PLCL2: variants seen among roughly 807,000 people sequenced by gnomAD.
The protein encoded by PLCL2 is inactive phospholipase C-like protein 2.
In PLCL2, 4 loss-of-function variants were observed where a neutral mutation model predicts 79.6. The ratio of observed to expected loss-of-function variants is 0.05; its 90% confidence interval spans 0.02 to 0.11. The LOEUF (loss-of-function observed/expected upper bound fraction) is 0.11. PLCL2 is among the 10% of genes least tolerant of loss of function. PLCL2 has a pLI of 1.00. For synonymous variants in PLCL2, 484 were observed against 457.7 expected (o/e 1.06, Z -0.73); for missense variants, 895 against 1,291.0 (o/e 0.69, Z 4.70).
chr3:16,964,200 G>A (rs1312579302), intron 1 of PLCL2, among the ~76,000 whole-genome samples: 1 of 125,230 alleles, frequency 8.0e-6, no homozygotes, highest in Non-Finnish European at 1.6e-5. Flanking sequence ...AGGCCCCAGT[G>A]TCATGTTCCC....
At chr3:17,074,914 A>G (rs994300280) in intron 5 of PLCL2, among the ~76,000 whole-genome samples, 1 of 152,220 alleles carries the variant, frequency 6.6e-6, no homozygotes, top group Non-Finnish European at 1.5e-5. Context: ...TTGATCTCCT[A>G]TTGAGACCAC....
chr3:17,080,253 A>G (rs1226103197), intron 5 of PLCL2, among the ~76,000 whole-genome samples: 1 of 152,158 alleles, frequency 6.6e-6, no homozygotes, highest in African/African-American at 2.4e-5. Context: ...ACTGATGATT[A>G]GGGAGTCTTT....
intron 4 of PLCL2, among the ~76,000 whole-genome samples, chr3:17,057,626 T>G (rs1404024300): frequency 6.6e-6 from 1 of 152,208 alleles, no homozygotes; most frequent in Non-Finnish European, 1.5e-5. Context: ...TAGAATTGGC[T>G]GTCATCCAAA....
At chr3:16,895,178 A>C (rs919189215) in intron 1 of PLCL2, among the ~76,000 whole-genome samples, 3 of 152,032 alleles carry the variant, frequency 2.0e-5, no homozygotes, top group Non-Finnish European at 4.4e-5. Flanking sequence ...CTAGTATGTG[A>C]CTTGCTTTTT....
At chr3:17,046,603 T>C (rs2064782907) in intron 4 of PLCL2, among the ~76,000 whole-genome samples, 1 of 152,220 alleles carries the variant, frequency 6.6e-6, no homozygotes, top group Admixed American at 6.5e-5. Context: ...CAAATGCTTT[T>C]AATCTCTACT....
At chr3:16,997,422 T>C (rs191250697) in intron 1 of PLCL2, among the ~76,000 whole-genome samples, 5,093 of 145,368 alleles carry the variant, frequency 0.035, 145 homozygotes, top group Middle Eastern at 0.095. Context: ...TTGGAACTTA[T>C]GAGTGTTTTG....
Position 17,053,003 on chromosome 3 carries a change from C to T in PLCL2, c.3094+10054C>T, listed in dbSNP as rs180737108. Among the ~76,000 whole-genome samples the T allele has an allele frequency of 6.2e-3, 948 of 152,266 alleles. 36 individuals carry two copies. The highest frequency in any genetic ancestry group is 0.05 in the Admixed American group (764 of 15,286). On this transcript the variant is annotated intron_variant, in intron 4 of 5. Transcript: ENST00000615277. The stretch of plus-strand genomic sequence containing the variant: ...AAAGTTACATGCAGATTTTTGACTG[C>T]ATGCAGAGTCAATGCCCCTAACACC...
intron 1 of PLCL2, among the ~76,000 whole-genome samples, chr3:16,892,000 T>C (rs1696363086): frequency 6.6e-6 from 1 of 152,232 alleles, no homozygotes. Flanking sequence ...CAACTACATC[T>C]TTTTCATCCT....
intron 1 of PLCL2, among the ~76,000 whole-genome samples, chr3:16,959,534 C>T (rs2063735645): frequency 6.6e-6 from 1 of 152,066 alleles, no homozygotes; most frequent in Non-Finnish European, 1.5e-5. Flanking sequence ...TTGCTGGTTG[C>T]TTTTCCTTCT....
chr3:17,040,614 G>A (rs1290784612), intron 3 of PLCL2, among the ~76,000 whole-genome samples: 2 of 152,116 alleles, frequency 1.3e-5, no homozygotes, highest in East Asian at 1.9e-4. Context: ...TGTGCCAGTC[G>A]CTCCTCACAC....
chr3:17,011,673 G>T lies in PLCL2; in HGVS notation c.2327G>T (p.Gly776Val), dbSNP rs765997206. The T allele has an allele frequency of 6.2e-7, 1 of 1,614,118 alleles. No homozygotes were observed. The highest frequency in any genetic ancestry group is 8.5e-7 in the Non-Finnish European group (1 of 1,180,022). ...FPKPKGSGAKGDVVDPYVYVE... is the reference protein window; with the variant it reads ...FPKPKGSGAKVDVVDPYVYVE... ...AAGCCCAAAGGATCAGGTGCCAAAG[G>T]TGATGTGGTAGATCCTTATGTCTAT... The change falls in exon 2 of 6, where the codon GGT becomes GTT. Residue 776 changes from glycine to valine, a missense_variant. Coordinates refer to ENST00000615277, the MANE Select transcript of PLCL2 (RefSeq NM_001144382.2). The surrounding 1 kb of genome is among the most constrained non-coding windows in gnomAD (Gnocchi z 7.9).
intron 1 of PLCL2, among the ~76,000 whole-genome samples, chr3:16,910,742 A>T (rs934848018): frequency 6.6e-6 from 1 of 151,342 alleles, no homozygotes; most frequent in Non-Finnish European, 1.5e-5. Flanking sequence ...TTCACTTTTC[A>T]TATCTGAAAC....
At chr3:16,943,331 T>A (rs1018989213) in intron 1 of PLCL2, among the ~76,000 whole-genome samples, 1 of 152,208 alleles carries the variant, frequency 6.6e-6, no homozygotes, top group African/African-American at 2.4e-5. Flanking sequence ...ACAAATGGCC[T>A]CCTGAGTGTT....
At chr3:16,894,365 T>A (rs1023890900) in intron 1 of PLCL2, among the ~76,000 whole-genome samples, 2 of 152,300 alleles carry the variant, frequency 1.3e-5, no homozygotes, top group Middle Eastern at 6.8e-3. Flanking sequence ...GATGATTTGT[T>A]GAAAGAGATC....
At chr3:16,891,863 T>G (rs1199283014) in intron 1 of PLCL2, among the ~76,000 whole-genome samples, 1 of 152,240 alleles carries the variant, frequency 6.6e-6, no homozygotes. Flanking sequence ...TTTCCTCAGG[T>G]TTCCTTCTCT....
chr3:17,060,106 A>AT (rs1274505350), intron 4 of PLCL2, among the ~76,000 whole-genome samples: 1 of 152,208 alleles, frequency 6.6e-6, no homozygotes, highest in Non-Finnish European at 1.5e-5. Flanking sequence ...TCTTCGTATT[A>AT]TCCCACCCAG....
chr3:16,971,009 G>A (rs1020785697), intron 1 of PLCL2, among the ~76,000 whole-genome samples: 2 of 152,036 alleles, frequency 1.3e-5, no homozygotes, highest in African/African-American at 2.4e-5. Flanking sequence ...CCATTCTGTA[G>A]GTTGCCTGTT....
At chr3:17,014,958 C>T (rs1489545499) in intron 3 of PLCL2, 47 bp downstream of exon 3, 3 of 1,441,212 alleles carry the variant, frequency 2.1e-6, no homozygotes, top group African/African-American at 2.8e-5. Flanking sequence ...AGAGAGATAT[C>T]CTAAGACAAC....
At chr3:16,901,591 C>T (rs1236192174) in intron 1 of PLCL2, among the ~76,000 whole-genome samples, 2 of 152,244 alleles carry the variant, frequency 1.3e-5, no homozygotes, top group African/African-American at 4.8e-5. Flanking sequence ...TGGTCCTCCT[C>T]TGTTAATTAA....
Sources: gnomAD v4.1 joint callset for allele counts (sites outside exome capture counted in the v4.1 genomes callset) on GRCh38, gnomAD v4.1.1 for gene constraint, Gnocchi (gnomAD v3.1) non-coding constraint, MANE v1.5 for transcripts, NCBI Gene and HGNC (gene_info 2026-07-23, HGNC 2026-07-21) for gene names.